TENM4: variants seen among roughly 807,000 people sequenced by gnomAD.
The protein encoded by TENM4 is teneurin-4.
A neutral mutation model predicts 243.3 loss-of-function variants in TENM4; 82 were observed. That is an observed-to-expected ratio of 0.34 (90% confidence interval 0.28 to 0.40). TENM4 has a LOEUF of 0.40. TENM4 is among the 10% of genes least tolerant of loss of function. TENM4 has a pLI of 1.00. For missense variants in TENM4, 3,138 were observed against 3,673.3 expected (o/e 0.85, Z 3.77); for synonymous variants, 1,412 against 1,456.3 (o/e 0.97, Z 0.69).
chr11:78,743,077 C>A (rs944010168), intron 19 of TENM4, among the ~76,000 whole-genome samples: 1 of 152,156 alleles, frequency 6.6e-6, no homozygotes, highest in Non-Finnish European at 1.5e-5. Context: ...CTCATACTAC[C>A]CAATCCAGCT....
At chr11:78,929,730 G>C (rs1012079244) in intron 6 of TENM4, among the ~76,000 whole-genome samples, 1 of 152,166 alleles carries the variant, frequency 6.6e-6, no homozygotes, top group Non-Finnish European at 1.5e-5. Context: ...GGTGGCTGTA[G>C]ATTTTCTCTT....
intron 6 of TENM4, among the ~76,000 whole-genome samples, chr11:79,063,658 C>T (rs1860158329): frequency 6.6e-6 from 1 of 152,178 alleles, no homozygotes; most frequent in Non-Finnish European, 1.5e-5. Flanking sequence ...TCCCCCCAGG[C>T]AATAGTCTCC....
intron 9 of TENM4, among the ~76,000 whole-genome samples, chr11:78,878,017 G>A (rs901895960): frequency 3.3e-5 from 5 of 152,124 alleles, no homozygotes; most frequent in Admixed American, 2.0e-4. Context: ...GCCCCGTGCC[G>A]GCTATGTTTC....
intron 19 of TENM4, among the ~76,000 whole-genome samples, chr11:78,751,122 C>T (rs1028995643): frequency 1.3e-5 from 2 of 152,176 alleles, no homozygotes; most frequent in African/African-American, 4.8e-5. Context: ...CTCAAGCGAT[C>T]CATCTGCCTC....
chr11:79,271,565 A>G (rs1590841570), intron 2 of TENM4, among the ~76,000 whole-genome samples: 1 of 152,102 alleles, frequency 6.6e-6, no homozygotes, highest in East Asian at 1.9e-4. Flanking sequence ...TTCCCTCATG[A>G]GGGGAAAGGC....
intron 32 of TENM4, 126 bp downstream of exon 32, chr11:78,668,811 T>C (rs1450783426): frequency 1.6e-6 from 2 of 1,241,838 alleles, no homozygotes; most frequent in Non-Finnish European, 2.2e-6. Flanking sequence ...CTTTGGAAAA[T>C]GCTGCTCTAA....
At chr11:78,826,734 T>G (rs2136135829) in intron 12 of TENM4, among the ~76,000 whole-genome samples, 1 of 152,322 alleles carries the variant, frequency 6.6e-6, no homozygotes, top group South Asian at 2.1e-4. Flanking sequence ...TTGCCAGAAC[T>G]TTTTAAAAAT....
intron 29 of TENM4, among the ~76,000 whole-genome samples, chr11:78,686,048 G>C (rs949107490): frequency 3.9e-5 from 6 of 152,234 alleles, no homozygotes; most frequent in African/African-American, 1.4e-4. Context: ...CTCCAAGGCA[G>C]GACTCTAATC....
At chr11:78,927,628 T>A (rs888508223) in intron 6 of TENM4, among the ~76,000 whole-genome samples, 1 of 152,176 alleles carries the variant, frequency 6.6e-6, no homozygotes, top group African/African-American at 2.4e-5. Context: ...CTCAAAGCGC[T>A]TATTCAACCC....
rs746689156 is a variant in TENM4, at chr11:78,669,520, G to A, written c.6825C>T (p.Gly2275=). The change falls in exon 32 of 34, where the codon GGC becomes GGT. Residue 2275 remains glycine, a synonymous_variant. Coordinates refer to ENST00000278550, the MANE Select transcript of TENM4 (RefSeq NM_001098816.3). The surrounding 1 kb of genome is among the most constrained non-coding windows in gnomAD (Gnocchi z 6.4). ...GGDIFEYNSA[G]LLIKAYNRAG... ...CCCGGTTGTAGGCCTTGATGAGCAG[G>A]CCAGCTGAGTTGTACTCAAAGATAT... The A allele has an allele frequency of 3.1e-6, 5 of 1,613,920 alleles. No homozygotes were observed. The highest frequency in any genetic ancestry group is 1.1e-5 in the South Asian group (1 of 91,088).
chr11:78,901,626 T>C (rs1255637812), intron 7 of TENM4, among the ~76,000 whole-genome samples: 1 of 152,160 alleles, frequency 6.6e-6, no homozygotes, highest in Non-Finnish European at 1.5e-5. Context: ...CTGTGGTCCA[T>C]GCAGAGCATC....
intron 12 of TENM4, among the ~76,000 whole-genome samples, chr11:78,832,066 G>C (rs1392110111): frequency 1.3e-5 from 2 of 152,190 alleles, no homozygotes; most frequent in Non-Finnish European, 2.9e-5. Context: ...ATGTTCTCAA[G>C]GTCTCACAGC....
intron 3 of TENM4, among the ~76,000 whole-genome samples, chr11:79,155,191 G>C (rs570719370): frequency 6.6e-6 from 1 of 152,278 alleles, no homozygotes; most frequent in South Asian, 2.1e-4. Context: ...CCAGAAGAGG[G>C]ACAGATCCGG....
At chr11:79,403,513 T>C (rs1228051797) in intron 1 of TENM4, among the ~76,000 whole-genome samples, 2 of 152,166 alleles carry the variant, frequency 1.3e-5, no homozygotes, top group Non-Finnish European at 2.9e-5. Context: ...CTAGTCAAAT[T>C]TGATACCCTT....
At chr11:79,280,593 C>A (rs1856139750) in intron 2 of TENM4, among the ~76,000 whole-genome samples, 1 of 152,206 alleles carries the variant, frequency 6.6e-6, no homozygotes, top group Non-Finnish European at 1.5e-5. Context: ...CCACGCCTGG[C>A]CCCGGGACAC....
At position 78,863,115 on chromosome 11, in the gene TENM4, G is replaced by C. The variant is rs150039445; in HGVS notation, c.1102C>G (p.Leu368Val). The change falls in exon 10 of 34, where the codon CTA (leucine) becomes GTA (valine). Residue 368 changes from leucine to valine, a missense_variant. Physicochemically the swap from Leu to Val is conservative, Grantham distance 32. This residue lies in a region of TENM4 where 671 missense variants were observed against 614.1 expected (regional missense o/e 1.09). Transcript: ENST00000278550. Reference sequence around the variant, plus strand: ...TCCATCGGCTGCAGGTGCCAGTTTAGGCCAAACAGGTGCATGGCTGTGGTG... The same window carrying C: ...TCCATCGGCTGCAGGTGCCAGTTTACGCCAAACAGGTGCATGGCTGTGGTG... ...AYFVAMHLFG[L>V]NWHLQPMEGQ... is the part of the protein sequence containing the mutation. 1 of 1,521,336 alleles carries C rather than the reference G, an allele frequency of 6.6e-7. No individual in the cohort carries two copies. The highest frequency in any genetic ancestry group is 2.5e-5 in the East Asian group (1 of 40,174). 94.2% of individuals were successfully genotyped at this position (1,521,336 alleles called of 1,614,324 possible). A position where few individuals can be genotyped will look rare whatever the true frequency, so the allele number is the denominator to read the frequency against.
chr11:78,919,730 G>A (rs1856404874), intron 6 of TENM4, among the ~76,000 whole-genome samples: 1 of 152,126 alleles, frequency 6.6e-6, no homozygotes, highest in African/African-American at 2.4e-5. Flanking sequence ...TGGACTTTCA[G>A]TAACACCACC....
chr11:79,005,978 A>G (rs951532973), intron 6 of TENM4, among the ~76,000 whole-genome samples: 7 of 152,216 alleles, frequency 4.6e-5, no homozygotes, highest in African/African-American at 1.4e-4. Context: ...TAAGTCAAGA[A>G]AAAGTCTGAA....
chr11:78,856,012 G>A lies in TENM4; in HGVS notation c.1422C>T (p.Ala474=), dbSNP rs547303599. The change falls in exon 11 of 34, where the codon GCC becomes GCT. Residue 474 remains alanine (A), a synonymous_variant. Transcript: ENST00000278550. ...LKFNVSLGKA[A]LVGIYGRKGL... ...CTTTTCTGCCATAAATGCCAACCAG[G>A]GCTGCCTTTCCCAGAGACACATTGA... is the stretch of plus-strand genomic sequence containing the variant. The A allele has an allele frequency of 1.9e-5, 29 of 1,551,698 alleles. No individual in the cohort carries two copies. In the African/African-American group the frequency reaches 3.6e-4, roughly 19 times the overall value.
Sources: gnomAD v4.1 joint callset for allele counts (sites outside exome capture counted in the v4.1 genomes callset) on GRCh38, gnomAD v4.1.1 for gene constraint, gnomAD v4.1.1 regional missense constraint, Gnocchi (gnomAD v3.1) non-coding constraint, MANE v1.5 for transcripts, NCBI Gene and HGNC (gene_info 2026-07-23, HGNC 2026-07-21) for gene names.